GPR155: variants seen among roughly 807,000 people sequenced by gnomAD.
The protein encoded by GPR155 is G protein-coupled receptor 155, also known as lysosomal cholesterol signaling protein.
A neutral mutation model predicts 93.1 loss-of-function variants in GPR155; 65 were observed. The observed-to-expected ratio is 0.70, with a 90% CI of 0.57 to 0.86. The LOEUF (loss-of-function observed/expected upper bound fraction) is 0.86, where lower values mean the gene tolerates loss of function less well. Ranked by LOEUF, GPR155 falls within the 40% of genes least tolerant of loss-of-function variation. The pLI is 0.00. For missense variants in GPR155, 838 were observed against 1,034.8 expected (o/e 0.81, Z 2.61); for synonymous variants, 319 against 360.1 (o/e 0.89, Z 1.29).
intron 12 of GPR155, 117 bp from the exon 13 acceptor site, chr2:174,445,293 G>C (rs1687087332): frequency 1.6e-6 from 1 of 615,654 alleles, no homozygotes; most frequent in South Asian, 2.0e-5. Flanking sequence ...AGACTAGACG[G>C]AAAAACACTG....
intron 2 of GPR155, among the ~76,000 whole-genome samples, chr2:174,477,897 C>T (rs1688211953): frequency 6.6e-6 from 1 of 152,142 alleles, no homozygotes; most frequent in Non-Finnish European, 1.5e-5. Context: ...ATTTTGATTC[C>T]TGCAGGGTTT....
chr2:174,474,329 C>A (rs2105730496), intron 2 of GPR155, among the ~76,000 whole-genome samples: 1 of 152,186 alleles, frequency 6.6e-6, no homozygotes, highest in Non-Finnish European at 1.5e-5. Flanking sequence ...TGAACAACCT[C>A]CATTTGAGAG....
At chr2:174,468,519 T>A (rs1050128104) in intron 5 of GPR155, among the ~76,000 whole-genome samples, 1 of 152,228 alleles carries the variant, frequency 6.6e-6, no homozygotes, top group Admixed American at 6.5e-5. Flanking sequence ...CTATAGTGAT[T>A]CATCATTTGC....
chr2:174,466,271 G>A (rs1445745943), intron 6 of GPR155, among the ~76,000 whole-genome samples: 1 of 152,092 alleles, frequency 6.6e-6, no homozygotes, highest in Non-Finnish European at 1.5e-5. Context: ...AAATGATTGT[G>A]AAAGAGTTCA....
chr2:174,482,487 G>C (rs1030617149), intron 1 of GPR155, among the ~76,000 whole-genome samples: 2 of 152,174 alleles, frequency 1.3e-5, no homozygotes, highest in African/African-American at 4.8e-5. Flanking sequence ...CCAGCCCGTG[G>C]TCATATTTGA....
chr2:174,472,858 G>A (rs1374587786), intron 3 of GPR155, 107 bp downstream of exon 3: 2 of 802,438 alleles, frequency 2.5e-6, no homozygotes, highest in Admixed American at 2.6e-5. Context: ...TACAAGGAGG[G>A]GTTATTAATA....
At chr2:174,470,584 C>T in intron 3 of GPR155, 29 bp from the exon 4 acceptor site, 1 of 1,600,798 alleles carries the variant, frequency 6.2e-7, no homozygotes, top group Non-Finnish European at 8.5e-7. Flanking sequence ...CATCATTTAC[C>T]TGATATCAAA....
chr2:174,437,641 G>T (rs1449739763), intron 15 of GPR155, among the ~76,000 whole-genome samples: 6 of 144,000 alleles, frequency 4.2e-5, no homozygotes, highest in Non-Finnish European at 7.5e-5. Context: ...GGAGTGCAAT[G>T]GCACGATCTC....
At chr2:174,437,781 TC>T (rs1232495600) in intron 15 of GPR155, among the ~76,000 whole-genome samples, 5 of 151,574 alleles carry the variant, frequency 3.3e-5, no homozygotes, top group African/African-American at 1.2e-4. Context: ...ACGGGATTTC[TC>T]CATGTTGGTC....
At chr2:174,471,738 C>G (rs567086392) in intron 3 of GPR155, among the ~76,000 whole-genome samples, 1 of 152,232 alleles carries the variant, frequency 6.6e-6, no homozygotes, top group South Asian at 2.1e-4. Context: ...AATTAAAAAA[C>G]TTAAATATCT....
intron 15 of GPR155, among the ~76,000 whole-genome samples, chr2:174,438,296 T>C (rs1686851883): frequency 6.6e-6 from 1 of 151,922 alleles, no homozygotes; most frequent in Non-Finnish European, 1.5e-5. Flanking sequence ...AATGTGACAC[T>C]GTACAGGCTG....
In GPR155 at chr2:174,433,701, C is replaced by T. The variant is rs1289371370; in HGVS notation, c.*2415G>A. The stretch of plus-strand genomic sequence containing the variant: ...GTTCTTCCCATCTACCATGTGGGGA[C>T]ACAGCAAGAAGGTACCATCTATGAG... On this transcript the variant is annotated 3_prime_UTR_variant, in exon 16 of 16. Coordinates refer to ENST00000392552, the MANE Select transcript of GPR155 (RefSeq NM_152529.7). The T allele has an allele frequency of 6.6e-6, 1 of 152,138 alleles. No individual in the cohort carries two copies. The highest frequency in any genetic ancestry group is 1.5e-5 in the Non-Finnish European group (1 of 68,074). The allele number at this position is 152,138 out of a possible 1,614,324, so 9.4% of individuals were successfully genotyped here. A position where few individuals can be genotyped will look rare whatever the true frequency, so the allele number is the denominator to read the frequency against.
chr2:174,436,144 G>A lies in GPR155; in HGVS notation c.2585C>T (p.Ser862Phe). 6.2e-7 allele frequency: 1 copy of A among 1,613,742 alleles called. No homozygotes were observed. The highest frequency in any genetic ancestry group is 8.5e-7 in the Non-Finnish European group (1 of 1,179,622). Residue 862 changes from serine (S) to phenylalanine (F), a missense_variant, in exon 16 of 16, where the codon TCC (serine) becomes TTC (phenylalanine). By Grantham distance (155) the Ser-to-Phe change is radical (BLOSUM62 -2). Around this residue, in one of 3 missense-constraint regions of GPR155, gnomAD observed 146 missense variants for 177.5 expected, o/e 0.82. Coordinates refer to ENST00000392552, the MANE Select transcript of GPR155 (RefSeq NM_152529.7). ...GGTCTTAGGGGAATGTGAGGGTGGG[G>A]ATGAATGCTCAATTTCTTTATATCT... Reference protein sequence around the residue: ...QERYKEIEHSSPPSHSPKT With the variant: ...QERYKEIEHSFPPSHSPKT
At chr2:174,440,881 A>G (rs1022088278) in intron 14 of GPR155, among the ~76,000 whole-genome samples, 3 of 152,218 alleles carry the variant, frequency 2.0e-5, no homozygotes, top group African/African-American at 7.2e-5. Flanking sequence ...CAATTTAGAA[A>G]GAAACTTGAG....
rs1377888249 is a variant in GPR155, at chr2:174,460,148, G to C, written c.1561-60C>G. 4 of 1,000,756 alleles carry C rather than the reference G, an allele frequency of 4.0e-6. No individual in the cohort carries two copies. In the South Asian group the frequency reaches 5.1e-5, roughly 13 times the overall value. 62.0% of individuals were successfully genotyped at this position (1,000,756 alleles called of 1,614,324 possible). ...TCACAACTTCATCTTGATAATCTTA[G>C]GGCACATTTTTTTTTTTTTTTTTTT... On this transcript the variant is annotated intron_variant, in intron 9 of 15. Transcript: ENST00000392552.
chr2:174,459,411 T>C (rs906553962), intron 10 of GPR155, among the ~76,000 whole-genome samples: 4 of 152,252 alleles, frequency 2.6e-5, no homozygotes, highest in Non-Finnish European at 5.9e-5. Flanking sequence ...AACAAAAATC[T>C]AATGAATAAT....
At chr2:174,468,344 ATTTG>A (rs1210893468) in intron 5 of GPR155, among the ~76,000 whole-genome samples, 1 of 152,168 alleles carries the variant, frequency 6.6e-6, no homozygotes, top group African/African-American at 2.4e-5. Context: ...TCAATAGGCC[ATTTG>A]ATCTGTAAGA....
intron 11 of GPR155, among the ~76,000 whole-genome samples, chr2:174,450,438 G>C (rs563476605): frequency 6.6e-6 from 1 of 152,190 alleles, no homozygotes; most frequent in Non-Finnish European, 1.5e-5. Flanking sequence ...AATATACCCA[G>C]GTAGCAAAAC....
At chr2:174,480,740 T>C (rs887346789) in intron 2 of GPR155, among the ~76,000 whole-genome samples, 4 of 152,058 alleles carry the variant, frequency 2.6e-5, no homozygotes, top group South Asian at 4.2e-4. Flanking sequence ...CTAAAATACA[T>C]TAAAATTTTG....
Sources: allele counts gnomAD v4.1 joint callset (sites outside exome capture counted in the v4.1 genomes callset), GRCh38; gene constraint gnomAD v4.1.1; regional missense constraint gnomAD v4.1.1; transcripts MANE v1.5; gene names NCBI Gene and HGNC (gene_info 2026-07-23, HGNC 2026-07-21).